MOB3B: variants seen among roughly 807,000 people sequenced by gnomAD.
MOB3B encodes the protein MOB kinase activator-like 2B.
Under a neutral mutation model 18.7 loss-of-function variants are expected in MOB3B, and 7 were observed. The observed-to-expected ratio is 0.37, with a 90% confidence interval of 0.21 to 0.70. MOB3B has a LOEUF of 0.70. MOB3B is among the 30% of genes least tolerant of loss of function. The probability of loss-of-function intolerance (pLI) is 0.52; values close to 1 mark genes in which losing one functional copy is unlikely to be tolerated. For missense variants in MOB3B, 253 were observed against 281.3 expected (o/e 0.90, Z 0.72); for synonymous variants, 111 against 99.9 (o/e 1.11, Z -0.66).
Position 27,359,019 on chromosome 9 carries a change from C to G in MOB3B, c.621+15G>C, listed in dbSNP as rs773443234. On this transcript the variant is annotated intron_variant, in intron 3 of 3. Coordinates refer to ENST00000262244, the MANE Select transcript of MOB3B (RefSeq NM_024761.5). ...TGGGGTGACTTGGATACCATTATTT[C>G]ATGGTGTCACTTACCAAAGGCTCTA... 6.2e-7 allele frequency: 1 copy of G among 1,611,234 alleles called. No individual in the cohort carries two copies. Among genetic ancestry groups the G allele is most frequent in the Admixed American group, 1.7e-5 (1 of 60,016 alleles).
At chr9:27,350,175 G>C (rs1587147401) in intron 3 of MOB3B, among the ~76,000 whole-genome samples, 2 of 144,358 alleles carry the variant, frequency 1.4e-5, no homozygotes, top group African/African-American at 5.2e-5. Flanking sequence ...TGATTTTTCT[G>C]ATTAGAAAAG....
chr9:27,359,484 C>T (rs1289317845), intron 2 of MOB3B, among the ~76,000 whole-genome samples: 2 of 152,040 alleles, frequency 1.3e-5, no homozygotes, highest in Non-Finnish European at 2.9e-5. Context: ...GATGGAGGCC[C>T]AGTGTTGTTA....
intron 2 of MOB3B, among the ~76,000 whole-genome samples, chr9:27,419,907 T>C (rs1417091533): frequency 6.6e-6 from 1 of 152,100 alleles, no homozygotes. Context: ...TCTATACATC[T>C]GACAAAAGAC....
At position 27,328,028 on chromosome 9, in the gene MOB3B, C is replaced by A; in HGVS notation, c.*2559G>T. 1 of 149,704 alleles carries A rather than the reference C, an allele frequency of 6.7e-6. No homozygotes were observed. The highest frequency in any genetic ancestry group is 2.0e-4 in the East Asian group (1 of 5,102). The allele number at this position is 149,704 out of a possible 1,614,324, so 9.3% of individuals were successfully genotyped here. On this transcript the variant is annotated 3_prime_UTR_variant, in exon 4 of 4. Coordinates refer to ENST00000262244, the MANE Select transcript of MOB3B (RefSeq NM_024761.5). ...CTCACTTGAGGCAAGGGGTTCAAGGCCAGCTTGGGTAAAATAGGGAGAGAC... is the reference window on the plus strand; with the variant it reads ...CTCACTTGAGGCAAGGGGTTCAAGGACAGCTTGGGTAAAATAGGGAGAGAC...
At chr9:27,370,443 G>A (rs182903921) in intron 2 of MOB3B, among the ~76,000 whole-genome samples, 5 of 151,502 alleles carry the variant, frequency 3.3e-5, no homozygotes, top group African/African-American at 1.2e-4. Flanking sequence ...GGAAGGCAGA[G>A]GTTGCGGTGA....
chr9:27,522,927 A>ATAT (rs1554657403), intron 1 of MOB3B, among the ~76,000 whole-genome samples: 1 of 150,810 alleles, frequency 6.6e-6, no homozygotes, highest in East Asian at 1.9e-4. Context: ...ATATATATAT[A>ATAT]TTTTTTTCCG....
chr9:27,455,801 A>C (rs547379612), intron 1 of MOB3B, 53 bp from the exon 2 acceptor site: 45 of 1,376,790 alleles, frequency 3.3e-5, no homozygotes, highest in Non-Finnish European at 4.0e-5. Context: ...GCCTTTAAAA[A>C]ATGACAGTCT....
chr9:27,463,704 T>C (rs1819330417), intron 1 of MOB3B, among the ~76,000 whole-genome samples: 1 of 151,852 alleles, frequency 6.6e-6, no homozygotes, highest in African/African-American at 2.4e-5. Flanking sequence ...CTCACGTCTG[T>C]AATCCTAACA....
intron 2 of MOB3B, among the ~76,000 whole-genome samples, chr9:27,448,139 G>A (rs1340702490): frequency 6.6e-6 from 1 of 152,148 alleles, no homozygotes; most frequent in African/African-American, 2.4e-5. Flanking sequence ...ATGAGATGTT[G>A]GAGTCATTGA....
At chr9:27,494,061 C>T (rs886495025) in intron 1 of MOB3B, among the ~76,000 whole-genome samples, 12 of 152,204 alleles carry the variant, frequency 7.9e-5, no homozygotes, top group South Asian at 2.1e-4. Flanking sequence ...GCACCTGTCT[C>T]TTATGGTTGA....
intron 2 of MOB3B, among the ~76,000 whole-genome samples, chr9:27,441,866 A>C (rs2131433991): frequency 6.6e-6 from 1 of 152,286 alleles, no homozygotes; most frequent in South Asian, 2.1e-4. Context: ...TGGATCCCTA[A>C]GGACCCTTTC....
chr9:27,444,716 A>C (rs1036189011), intron 2 of MOB3B, among the ~76,000 whole-genome samples: 1 of 152,198 alleles, frequency 6.6e-6, no homozygotes, highest in Non-Finnish European at 1.5e-5. Flanking sequence ...TCAACCACTT[A>C]CTAGGAGGGT....
chr9:27,326,757 A>G lies in MOB3B; in HGVS notation c.*3830T>C, dbSNP rs953142680. The G allele has an allele frequency of 1.3e-5, 5 of 396,066 alleles. No homozygotes were observed. Among genetic ancestry groups the G allele is most frequent in the African/African-American group, 6.2e-5 (3 of 48,598 alleles). 24.5% of individuals were successfully genotyped at this position (396,066 alleles called of 1,614,324 possible). On this transcript the variant is annotated 3_prime_UTR_variant, in exon 4 of 4. Coordinates refer to ENST00000262244, the MANE Select transcript of MOB3B (RefSeq NM_024761.5). Reference sequence around the variant, plus strand: ...TTTAAGAAGCAGGAAATGACTCTAGATCAGTATTTCTCAATTACAGCCGTG... The same window carrying G: ...TTTAAGAAGCAGGAAATGACTCTAGGTCAGTATTTCTCAATTACAGCCGTG...
chr9:27,343,787 G>A (rs1820992478), intron 3 of MOB3B, among the ~76,000 whole-genome samples: 2 of 146,852 alleles, frequency 1.4e-5, no homozygotes, highest in East Asian at 2.0e-4. Flanking sequence ...GAGGGAAATT[G>A]TGGAATGCAT....
chr9:27,520,490 T>C (rs1820306967), intron 1 of MOB3B, among the ~76,000 whole-genome samples: 3 of 152,240 alleles, frequency 2.0e-5, no homozygotes, highest in African/African-American at 4.8e-5. Context: ...TGTTTTCAAT[T>C]TTCTGATTAT....
At chr9:27,353,825 A>C (rs1821145042) in intron 3 of MOB3B, among the ~76,000 whole-genome samples, 1 of 152,212 alleles carries the variant, frequency 6.6e-6, no homozygotes, top group Non-Finnish European at 1.5e-5. Flanking sequence ...GCTAATGATA[A>C]TTCTGATTAG....
At chr9:27,331,842 G>A (rs1427342599) in intron 3 of MOB3B, among the ~76,000 whole-genome samples, 3 of 152,202 alleles carry the variant, frequency 2.0e-5, no homozygotes, top group Non-Finnish European at 4.4e-5. Flanking sequence ...AGGAGACTGA[G>A]TGTGGGAGTG....
rs1820026084 is a variant in MOB3B at position 27,504,147 on chromosome 9, A to C, written c.-199+25408T>G. 2.0e-5 allele frequency among the ~76,000 whole-genome samples: 3 copies of C among 152,206 alleles called. No homozygotes were observed. In the South Asian group the frequency reaches 6.2e-4, roughly 31 times the overall value. The stretch of plus-strand genomic sequence containing the variant: ...TTGCTCAACTTTAAATTCATACATT[A>C]TTTACTGACATCCCTAATGCTTGCA... On this transcript the variant is annotated intron_variant, in intron 1 of 3. Coordinates refer to ENST00000262244, the MANE Select transcript of MOB3B (RefSeq NM_024761.5).
At chr9:27,481,630 A>G (rs539341934) in intron 1 of MOB3B, among the ~76,000 whole-genome samples, 1,807 of 145,148 alleles carry the variant, frequency 0.012, 39 homozygotes, top group African/African-American at 0.044. Flanking sequence ...GGTTTATGCC[A>G]CTCTCCTGCC....
Sources: allele counts gnomAD v4.1 joint callset (sites outside exome capture counted in the v4.1 genomes callset), GRCh38; gene constraint gnomAD v4.1.1; transcripts MANE v1.5; gene names NCBI Gene and HGNC (gene_info 2026-07-23, HGNC 2026-07-21).